ZNF804A: variants seen among roughly 807,000 people sequenced by gnomAD.
ZNF804A encodes the protein zinc finger protein 804A.
Under a neutral mutation model 16.5 loss-of-function variants are expected in ZNF804A, and 2 were observed. The observed-to-expected ratio is 0.12, with a 90% CI of 0.05 to 0.38. The LOEUF is 0.38. Ranked by LOEUF, ZNF804A falls within the 10% of genes least tolerant of loss-of-function variation. The pLI, the probability that ZNF804A is intolerant of heterozygous loss-of-function variation, is 0.99. For synonymous variants in ZNF804A, 534 were observed against 489.6 expected, an observed-to-expected ratio of 1.09 and a Z score of -1.20; for missense variants, 1,473 against 1,390.7, an observed-to-expected ratio of 1.06 and a Z score of -0.94.
intron 1 of ZNF804A, among the ~76,000 whole-genome samples, chr2:184,608,800 G>T (rs1660404373): frequency 6.6e-6 from 1 of 152,168 alleles, no homozygotes; most frequent in African/African-American, 2.4e-5. Context: ...AAGCTGAGAA[G>T]TTTTAGGAAT....
intron 2 of ZNF804A, among the ~76,000 whole-genome samples, chr2:184,890,656 A>G (rs543178939): frequency 6.6e-6 from 1 of 152,052 alleles, no homozygotes; most frequent in Admixed American, 6.5e-5. Flanking sequence ...ACTTCACTCT[A>G]TTTACTAAAT....
intron 2 of ZNF804A, among the ~76,000 whole-genome samples, chr2:184,911,989 A>C (rs894300250): frequency 5.9e-5 from 9 of 152,116 alleles, no homozygotes; most frequent in African/African-American, 1.9e-4. Flanking sequence ...TGAGAAAATC[A>C]AAGCATTTGT....
At chr2:184,731,411 T>A (rs749261441) in intron 1 of ZNF804A, among the ~76,000 whole-genome samples, 1 of 152,034 alleles carries the variant, frequency 6.6e-6, no homozygotes, top group Non-Finnish European at 1.5e-5. Context: ...GTCAGTGTTC[T>A]GGATTTTGGC....
intron 1 of ZNF804A, among the ~76,000 whole-genome samples, chr2:184,744,102 C>T (rs781162577): frequency 2.8e-4 from 43 of 151,844 alleles, no homozygotes; most frequent in Non-Finnish European, 1.5e-4. Context: ...AAGTGGAGAA[C>T]TGCTCTATTT....
chr2:184,842,636 T>C (rs1452649128), intron 1 of ZNF804A, among the ~76,000 whole-genome samples: 1 of 152,078 alleles, frequency 6.6e-6, no homozygotes, highest in Non-Finnish European at 1.5e-5. Flanking sequence ...TCTTATTCTA[T>C]GTTTAAAATA....
intron 1 of ZNF804A, among the ~76,000 whole-genome samples, chr2:184,746,582 T>C (rs1170652891): frequency 6.6e-6 from 1 of 151,522 alleles, no homozygotes; most frequent in African/African-American, 2.4e-5. Flanking sequence ...TATTTTAAAC[T>C]GTGCATTACA....
intron 1 of ZNF804A, among the ~76,000 whole-genome samples, chr2:184,611,306 A>G (rs1168083619): frequency 1.3e-5 from 2 of 152,054 alleles, no homozygotes; most frequent in Admixed American, 1.3e-4. Flanking sequence ...CATTCAGAAC[A>G]TTGCTCTTAG....
Position 184,866,550 on chromosome 2 carries a change from A to T in ZNF804A, c.255+38A>T. On this transcript the variant is annotated intron_variant, in intron 2 of 3. Coordinates refer to ENST00000302277, the MANE Select transcript of ZNF804A (RefSeq NM_194250.2). ...TGTGAAAAAATTCTGGCATTTCTGG[A>T]CTTGTGTAATAGTTTTAATTGTGTA... The T allele has an allele frequency of 3.2e-6, 5 of 1,573,868 alleles. 1 individual carries two copies. The South Asian group carries it at 4.7e-5, about 15-fold the overall frequency.
intron 1 of ZNF804A, among the ~76,000 whole-genome samples, chr2:184,761,699 C>T (rs2369595): frequency 0.8 from 122,100 of 151,934 alleles, 49,222 homozygotes; most frequent in East Asian, 0.86. Context: ...GATATCACCA[C>T]AGATGTGCAA....
intron 1 of ZNF804A, among the ~76,000 whole-genome samples, chr2:184,816,319 C>A (rs1300267484): frequency 6.6e-6 from 1 of 151,914 alleles, no homozygotes; most frequent in East Asian, 1.9e-4. Context: ...CTACCTAATT[C>A]TTTTACTTGG....
At chr2:184,635,606 C>A (rs1691682840) in intron 1 of ZNF804A, among the ~76,000 whole-genome samples, 1 of 152,026 alleles carries the variant, frequency 6.6e-6, no homozygotes, top group African/African-American at 2.4e-5. Context: ...GATTGATTAA[C>A]TTAATGATTC....
At chr2:184,615,091 G>A (rs1220886605) in intron 1 of ZNF804A, among the ~76,000 whole-genome samples, 1 of 152,218 alleles carries the variant, frequency 6.6e-6, no homozygotes, top group Non-Finnish European at 1.5e-5. Flanking sequence ...GCACACATAT[G>A]TTTATTGCAG....
At chr2:184,860,195 T>A (rs552111961) in intron 1 of ZNF804A, among the ~76,000 whole-genome samples, 98 of 152,340 alleles carry the variant, frequency 6.4e-4, no homozygotes, top group African/African-American at 2.3e-3. Flanking sequence ...CTGTAATCTT[T>A]ATCTGCTGAT....
chr2:184,793,868 A>T (rs987569309), intron 1 of ZNF804A, among the ~76,000 whole-genome samples: 2 of 152,086 alleles, frequency 1.3e-5, no homozygotes, highest in African/African-American at 4.8e-5. Flanking sequence ...GATGGTTTCC[A>T]TTCTTATCCA....
intron 1 of ZNF804A, among the ~76,000 whole-genome samples, chr2:184,766,913 G>A (rs995237260): frequency 3.9e-5 from 6 of 152,032 alleles, no homozygotes; most frequent in Non-Finnish European, 7.4e-5. Context: ...AGTAATTAAG[G>A]TTAAATGAGG....
intron 1 of ZNF804A, among the ~76,000 whole-genome samples, chr2:184,753,191 T>A (rs181746401): frequency 6.6e-6 from 1 of 151,778 alleles, no homozygotes; most frequent in Non-Finnish European, 1.5e-5. Flanking sequence ...TTGTTTAATA[T>A]CAAATATTCT....
chr2:184,886,974 C>T (rs1206457880), intron 2 of ZNF804A, among the ~76,000 whole-genome samples: 1 of 152,216 alleles, frequency 6.6e-6, no homozygotes, highest in African/African-American at 2.4e-5. Context: ...CTGCAGAAAG[C>T]TTGAATTTCT....
At chr2:184,801,408 G>T (rs1350144767) in intron 1 of ZNF804A, among the ~76,000 whole-genome samples, 6 of 151,994 alleles carry the variant, frequency 3.9e-5, no homozygotes. Flanking sequence ...TTTATTCTAT[G>T]TCTGGATTTC....
At chr2:184,638,068 C>T (rs1414566017) in intron 1 of ZNF804A, among the ~76,000 whole-genome samples, 1 of 152,162 alleles carries the variant, frequency 6.6e-6, no homozygotes, top group Non-Finnish European at 1.5e-5. Flanking sequence ...GCCATTCAAT[C>T]CTGTTGTTGT....
Sources: allele counts gnomAD v4.1 joint callset (sites outside exome capture counted in the v4.1 genomes callset), GRCh38; gene constraint gnomAD v4.1.1; transcripts MANE v1.5; gene names NCBI Gene and HGNC (gene_info 2026-07-23, HGNC 2026-07-21).